BCL6: variants seen among roughly 807,000 people sequenced by gnomAD.
The protein encoded by BCL6 is B-cell lymphoma 6 protein.
A neutral mutation model predicts 59.5 loss-of-function variants in BCL6; 7 were observed. The observed-to-expected ratio is 0.12, with a 90% CI of 0.07 to 0.22. The LOEUF is 0.22. Among genes scored for constraint, BCL6 ranks in the 10% least tolerant of loss-of-function variants. The pLI is 1.00. For synonymous variants in BCL6, 339 were observed against 349.7 expected, an observed-to-expected ratio of 0.97 and a Z score of 0.34; for missense variants, 685 against 939.4, an observed-to-expected ratio of 0.73 and a Z score of 3.54.
intron 1 of BCL6, among the ~76,000 whole-genome samples, chr3:187,742,522 GT>G (rs1460505591): frequency 2.0e-5 from 3 of 152,180 alleles, no homozygotes; most frequent in Non-Finnish European, 2.9e-5. Flanking sequence ...AAGTCGCCCA[GT>G]TTTTATGAAC....
chr3:187,744,361 T>A (rs1195112843), intron 1 of BCL6, among the ~76,000 whole-genome samples: 1 of 143,452 alleles, frequency 7.0e-6, no homozygotes, highest in Non-Finnish European at 1.5e-5. Context: ...CATCAGTCTC[T>A]CTCCTCGGGA....
At chr3:187,743,984 C>T (rs1032259649) in intron 1 of BCL6, among the ~76,000 whole-genome samples, 2 of 152,176 alleles carry the variant, frequency 1.3e-5, no homozygotes, top group African/African-American at 4.8e-5. Flanking sequence ...CTTCTCTCCT[C>T]CTGAGTCTTG....
At chr3:187,744,133 A>G (rs1349164983) in intron 1 of BCL6, among the ~76,000 whole-genome samples, 1 of 152,162 alleles carries the variant, frequency 6.6e-6, no homozygotes, top group East Asian at 1.9e-4. Context: ...GGGAAAAAAT[A>G]AAATAAAATT....
At chr3:187,744,538 A>T (rs750304488) in intron 1 of BCL6, among the ~76,000 whole-genome samples, 1 of 152,326 alleles carries the variant, frequency 6.6e-6, no homozygotes, top group Non-Finnish European at 1.5e-5. Flanking sequence ...GAAAGGAAAT[A>T]GTAGACACGA....
Position 187,731,729 on chromosome 3 carries a change from G to A in BCL6, c.363C>T (p.Cys121=), listed in dbSNP as rs1719053669. ...YLQMEHVVDT[C]RKFIKASEAE... ...CTCACCTGGCCTTAATAAACTTCCG[G>A]CAAGTGTCCACAACATGCTCCATCT... is the stretch of plus-strand genomic sequence containing the variant. The change falls in exon 4 of 10, where the codon TGC becomes TGT. Residue 121 remains cysteine, a synonymous_variant. Transcript: ENST00000406870. 2 of 1,613,980 alleles carry A rather than the reference G, an allele frequency of 1.2e-6. No individual in the cohort carries two copies. The highest frequency in any genetic ancestry group is 1.7e-6 in the Non-Finnish European group (2 of 1,180,048).
intron 1 of BCL6, among the ~76,000 whole-genome samples, chr3:187,744,882 G>A: frequency 6.6e-6 from 1 of 152,272 alleles, no homozygotes; most frequent in South Asian, 2.1e-4. Flanking sequence ...GAGATCACAA[G>A]CCGTACGCAA....
Position 187,725,351 on chromosome 3 carries a change from T to C in BCL6, c.1839+148A>G, listed in dbSNP as rs1435981921. ...CCTGCACACGGGGACTGAGTGGGAC[T>C]TTCTCCTGCCCGCTCTGCTCACCTG... On this transcript the variant is annotated intron_variant, in intron 8 of 9. Coordinates refer to ENST00000406870, the MANE Select transcript of BCL6 (RefSeq NM_001706.5). This position sits in a 1 kb window ranked among gnomAD's most constrained non-coding sequence, Gnocchi z 4.7. 4.1e-6 allele frequency: 6 copies of C among 1,459,514 alleles called. No homozygotes were observed. Among genetic ancestry groups the C allele is most frequent in the African/African-American group, 1.4e-5 (1 of 70,578 alleles). 90.4% of individuals were successfully genotyped at this position (1,459,514 alleles called of 1,614,324 possible). A position where few individuals can be genotyped will look rare whatever the true frequency, so the allele number is the denominator to read the frequency against.
chr3:187,738,391 T>C (rs1339088977), intron 1 of BCL6, among the ~76,000 whole-genome samples: 2 of 152,114 alleles, frequency 1.3e-5, no homozygotes, highest in Non-Finnish European at 2.9e-5. Context: ...CCCTTCCGCC[T>C]ACGTTGGCAA....
chr3:187,728,322 C>T (rs1262983534), intron 6 of BCL6, 38 bp downstream of exon 6: 4 of 1,528,216 alleles, frequency 2.6e-6, no homozygotes, highest in South Asian at 2.4e-5. Context: ...AGGGGCCTTC[C>T]TTCTCCCTGA....
At chr3:187,733,979 A>C (rs1010624971) in intron 2 of BCL6, 1 of 443,282 alleles carries the variant, frequency 2.3e-6, no homozygotes, top group Non-Finnish European at 4.2e-6. Flanking sequence ...CACATACCAA[A>C]TACTCTGCCA....
chr3:187,744,850 A>C (rs1258968290), intron 1 of BCL6, among the ~76,000 whole-genome samples: 1 of 152,194 alleles, frequency 6.6e-6, no homozygotes, highest in Admixed American at 6.5e-5. Flanking sequence ...AGAGGGAAAA[A>C]ACACAGCCGC....
chr3:187,724,853 C>T, intron 9 of BCL6, 88 bp downstream of exon 9: 1 of 1,468,080 alleles, frequency 6.8e-7, no homozygotes. Context: ...CACTGCCTCC[C>T]TGCTCCACCT....
rs1385238832 is a variant in BCL6, at chr3:187,722,488, G to A, written c.2091C>T (p.Asp697=). 1.9e-6 allele frequency: 3 copies of A among 1,613,648 alleles called. No individual in the cohort carries two copies. The highest frequency in any genetic ancestry group is 2.5e-6 in the Non-Finnish European group (3 of 1,179,950). ...AGGCTTTGGGGAGCTCCGGAGGCAG[G>A]TCAGTGGCTGACACGCGGTATTGCA... ...TKVQYRVSAT[D]LPPELPKAC The change falls in exon 10 of 10, where the codon GAC becomes GAT. Residue 697 remains aspartate (D), a synonymous_variant. Coordinates refer to ENST00000406870, the MANE Select transcript of BCL6 (RefSeq NM_001706.5).
At chr3:187,745,061 A>G (rs529013845) in intron 1 of BCL6, among the ~76,000 whole-genome samples, 5 of 151,886 alleles carry the variant, frequency 3.3e-5, no homozygotes, top group East Asian at 1.9e-4. Context: ...CAAAAACCAA[A>G]ACAACACAAG....
intron 1 of BCL6, among the ~76,000 whole-genome samples, chr3:187,743,402 A>T (rs1711690585): frequency 6.6e-6 from 1 of 152,036 alleles, no homozygotes; most frequent in Admixed American, 6.5e-5. Flanking sequence ...GCCCTGTGAC[A>T]GCTTGGGACT....
In BCL6 at chr3:187,733,121, T is replaced by A. The variant is rs180906809; in HGVS notation, c.161+412A>T. ...CTCTGAACACCCATGGAAATTCAGT[T>A]GTAGCAAAAAATAAATACATTTATA... is the stretch of plus-strand genomic sequence containing the variant. On this transcript the variant is annotated intron_variant, in intron 3 of 9. Transcript: ENST00000406870. 1.1e-3 allele frequency among the ~76,000 whole-genome samples: 165 copies of A among 152,324 alleles called. 1 individual carries two copies. Among genetic ancestry groups the A allele is most frequent in the African/African-American group, 3.1e-3 (129 of 41,558 alleles).
rs549007522 is a variant in BCL6, at chr3:187,728,916, C to G, written c.1355+134G>C. 5.0e-5 allele frequency: 62 copies of G among 1,248,398 alleles called. 1 individual carries two copies. In the South Asian group the frequency reaches 1.0e-3, roughly 21 times the overall value. 77.3% of individuals were successfully genotyped at this position (1,248,398 alleles called of 1,614,324 possible). On this transcript the variant is annotated intron_variant, in intron 5 of 9. Transcript: ENST00000406870. The stretch of plus-strand genomic sequence containing the variant: ...CTTAAGTGTAAAATACTTCCTTACT[C>G]AGACTAACTCAATCTATAGGCACTG...
intron 1 of BCL6, chr3:187,737,260 G>C (rs1719321559): frequency 6.9e-6 from 1 of 144,038 alleles, no homozygotes; most frequent in Non-Finnish European, 1.5e-5. Context: ...TGAGAAGACA[G>C]ATCCTTTAAA....
intron 1 of BCL6, among the ~76,000 whole-genome samples, chr3:187,744,147 G>T (rs1711753212): frequency 6.6e-6 from 1 of 152,228 alleles, no homozygotes; most frequent in South Asian, 2.1e-4. Context: ...TAAAATTTAG[G>T]AAAGGGAGGC....
Sources: gnomAD v4.1 joint callset for allele counts (sites outside exome capture counted in the v4.1 genomes callset) on GRCh38, gnomAD v4.1.1 for gene constraint, Gnocchi (gnomAD v3.1) non-coding constraint, MANE v1.5 for transcripts, NCBI Gene and HGNC (gene_info 2026-07-23, HGNC 2026-07-21) for gene names.